The following PTBP3 variants were observed in gnomAD, a reference collection of about 807,000 sequenced individuals.
The protein encoded by PTBP3 is polypyrimidine tract binding protein 3, also known as polypyrimidine tract-binding protein 3.
In PTBP3, 20 loss-of-function variants were observed where a neutral mutation model predicts 58.7. The observed-to-expected ratio is 0.34, with a 90% CI of 0.24 to 0.50. PTBP3 has a LOEUF of 0.50. Among genes scored for constraint, PTBP3 ranks in the 20% least tolerant of loss-of-function variants. The probability of loss-of-function intolerance (pLI) is 0.98; values close to 1 mark genes in which losing one functional copy is unlikely to be tolerated. For missense variants in PTBP3, 509 were observed against 637.2 expected, an observed-to-expected ratio of 0.80 and a Z score of 2.17; for synonymous variants, 185 against 219.8, an observed-to-expected ratio of 0.84 and a Z score of 1.40.
intron 1 of PTBP3, among the ~76,000 whole-genome samples, chr9:112,332,396 A>T (rs1334865911): frequency 6.6e-6 from 1 of 152,232 alleles, no homozygotes; most frequent in East Asian, 1.9e-4. Context: ...TTCAAATAGC[A>T]TATCATCAAC....
At chr9:112,379,541 G>C in the PTBP3 span, among the ~76,000 whole-genome samples, 5 of 152,218 alleles carry the variant, frequency 3.3e-5, no homozygotes, top group African/African-American at 1.2e-4. Flanking sequence ...GCTATCTACC[G>C]ATGCACAAGG....
the PTBP3 span, among the ~76,000 whole-genome samples, chr9:112,349,863 CAAAAAAAAAAAA>C: frequency 8.0e-5 from 4 of 49,696 alleles, no homozygotes; most frequent in South Asian, 1.4e-3. Flanking sequence ...GACTCTGTCT[CAAAAAAAAAAAA>C]AAAAAAAAAA....
At chr9:112,333,221 A>G (rs1411116262) in intron 1 of PTBP3, among the ~76,000 whole-genome samples, 1 of 152,034 alleles carries the variant, frequency 6.6e-6, no homozygotes, top group African/African-American at 2.4e-5. Context: ...TGTGTCGAGT[A>G]AGGCTAGGAA....
rs180973846 is a variant in PTBP3 at position 112,287,663 on chromosome 9, C to G, written c.34+10169G>C. ...GCCTTCAGTTTTTTCTGTCTGTGTG[C>G]TTCAGTTTCTTTTGCTATCTTCAAA... On this transcript the variant is annotated intron_variant, in intron 2 of 13. Coordinates refer to ENST00000374257, the MANE Select transcript of PTBP3 (RefSeq NM_001163788.4). Among the ~76,000 whole-genome samples the G allele has an allele frequency of 1.6e-3, 251 of 152,166 alleles. 1 individual carries two copies. The highest frequency in any genetic ancestry group is 4.8e-3 in the South Asian group (23 of 4,820).
chr9:112,330,573 A>G (rs1265814073), intron 1 of PTBP3: 49 of 715,594 alleles, frequency 6.8e-5, no homozygotes, highest in African/African-American at 1.1e-4. Flanking sequence ...AAGCATTATA[A>G]TAACAAATAA....
chr9:112,332,924 C>T (rs1416555989), intron 1 of PTBP3: 1 of 1,549,552 alleles, frequency 6.5e-7, no homozygotes, highest in Admixed American at 1.9e-5. Flanking sequence ...GGCCAAGTCC[C>T]GCGGCGGCCC....
chr9:112,309,466 G>A (rs886617624), intron 1 of PTBP3, among the ~76,000 whole-genome samples: 4 of 151,766 alleles, frequency 2.6e-5, no homozygotes, highest in East Asian at 1.9e-4. Flanking sequence ...ATATATAATC[G>A]ATGTTCAAAA....
At position 112,220,856 on chromosome 9, in the gene PTBP3, A is replaced by G. The variant is rs1834782947; in HGVS notation, c.*2995T>C. ...AGTCAAGACACCTTGAAAAGTGATG[A>G]CAATACTCCTTAAAAATAAAATAAA... On this transcript the variant is annotated 3_prime_UTR_variant, in exon 14 of 14. Transcript: ENST00000374257. 1.0e-6 allele frequency: 1 copy of G among 967,932 alleles called. No homozygotes were observed. The highest frequency in any genetic ancestry group is 1.2e-6 in the Non-Finnish European group (1 of 814,230). The allele number at this position is 967,932 out of a possible 1,614,324, so 60.0% of individuals were successfully genotyped here.
At chr9:112,278,532 AG>A (rs1304189376) in intron 2 of PTBP3, among the ~76,000 whole-genome samples, 1 of 152,228 alleles carries the variant, frequency 6.6e-6, no homozygotes, top group African/African-American at 2.4e-5. Context: ...TCTTTAACAG[AG>A]GTATTCTATG....
intron 1 of PTBP3, among the ~76,000 whole-genome samples, chr9:112,307,836 T>C (rs1397572029): frequency 6.6e-6 from 1 of 152,230 alleles, no homozygotes; most frequent in Non-Finnish European, 1.5e-5. Context: ...TATTATTACT[T>C]TAAACCAACC....
At chr9:112,273,925 C>T (rs951509499) in intron 3 of PTBP3, among the ~76,000 whole-genome samples, 5 of 152,154 alleles carry the variant, frequency 3.3e-5, no homozygotes, top group African/African-American at 1.2e-4. Flanking sequence ...AGTTAGCTTA[C>T]CGATAAAAAT....
At chr9:112,357,040 C>T in the PTBP3 span, among the ~76,000 whole-genome samples, 5 of 151,924 alleles carry the variant, frequency 3.3e-5, no homozygotes, top group Admixed American at 1.3e-4. Flanking sequence ...CCACCACACC[C>T]GGCTAATTTT....
the PTBP3 span, among the ~76,000 whole-genome samples, chr9:112,341,450 C>T: frequency 6.6e-6 from 1 of 151,768 alleles, no homozygotes; most frequent in African/African-American, 2.4e-5. Context: ...AATTTTATTC[C>T]CTTGTTTGTA....
the PTBP3 span, among the ~76,000 whole-genome samples, chr9:112,372,225 T>C: frequency 1.3e-5 from 2 of 152,110 alleles, no homozygotes; most frequent in Non-Finnish European, 1.5e-5. Flanking sequence ...TACAGGCACA[T>C]GTCACCATGT....
At chr9:112,301,214 C>G (rs183858633) in intron 1 of PTBP3, among the ~76,000 whole-genome samples, 8 of 152,048 alleles carry the variant, frequency 5.3e-5, no homozygotes, top group Non-Finnish European at 1.2e-4. Context: ...CAAAGAAGGC[C>G]AGTAAGTACA....
intron 11 of PTBP3, 64 bp from the exon 12 acceptor site, chr9:112,227,691 C>A (rs958323339): frequency 3.6e-5 from 41 of 1,144,296 alleles, no homozygotes; most frequent in Non-Finnish European, 5.1e-5. Context: ...TAGTATCTGA[C>A]AACATTACCA....
intron 8 of PTBP3, among the ~76,000 whole-genome samples, chr9:112,232,609 A>G (rs1374455523): frequency 6.6e-6 from 1 of 152,210 alleles, no homozygotes; most frequent in Admixed American, 6.5e-5. Flanking sequence ...ACTGACTTCT[A>G]CCATAAAATC....
At chr9:112,242,617 C>T (rs1180284213) in intron 7 of PTBP3, 1 of 152,334 alleles carries the variant, frequency 6.6e-6, no homozygotes, top group African/African-American at 2.4e-5. Context: ...ACTACCACTA[C>T]TGATCTACAT....
intron 1 of PTBP3, among the ~76,000 whole-genome samples, chr9:112,312,204 T>TA (rs1043155612): frequency 3.3e-5 from 5 of 151,794 alleles, no homozygotes; most frequent in African/African-American, 4.8e-5. Context: ...TGGCAGAAAA[T>TA]CACCTTAACC....
Sources: gnomAD v4.1 joint callset for allele counts (sites outside exome capture counted in the v4.1 genomes callset) on GRCh38, gnomAD v4.1.1 for gene constraint, MANE v1.5 for transcripts, NCBI Gene and HGNC (gene_info 2026-07-23, HGNC 2026-07-21) for gene names.